ROBO2: variants seen among roughly 807,000 people sequenced by gnomAD.
ROBO2 encodes the protein roundabout homolog 2.
Under a neutral mutation model 160.8 loss-of-function variants are expected in ROBO2, and 53 were observed. The ratio of observed to expected loss-of-function variants is 0.33; its 90% confidence interval spans 0.26 to 0.41. The LOEUF (loss-of-function observed/expected upper bound fraction) is 0.41. ROBO2 is among the 10% of genes least tolerant of loss of function. The pLI, the probability that ROBO2 is intolerant of heterozygous loss-of-function variation, is 1.00. For synonymous variants in ROBO2, 664 were observed against 611.7 expected, an observed-to-expected ratio of 1.09 and a Z score of -1.26; for missense variants, 1,577 against 1,722.4, an observed-to-expected ratio of 0.92 and a Z score of 1.49.
chr3:77,501,188 C>G (rs1277369754), intron 5 of ROBO2, among the ~76,000 whole-genome samples: 1 of 152,116 alleles, frequency 6.6e-6, no homozygotes, highest in Non-Finnish European at 1.5e-5. Context: ...ATAGGACAAG[C>G]CAGAGGCTTA....
chr3:76,775,236 G>A (rs997702208), intron 2 of ROBO2, among the ~76,000 whole-genome samples: 5 of 150,518 alleles, frequency 3.3e-5, no homozygotes, highest in Non-Finnish European at 6.0e-5. Flanking sequence ...TGTTTTTACT[G>A]TTTTGACAGG....
At chr3:76,355,395 A>G (rs7609927) in intron 2 of ROBO2, among the ~76,000 whole-genome samples, 124,654 of 151,706 alleles carry the variant, frequency 0.82, 52,234 homozygotes, top group East Asian at 0.96. Context: ...ATGCTGTGAA[A>G]AAGGTAACAA....
intron 2 of ROBO2, among the ~76,000 whole-genome samples, chr3:76,363,068 T>C (rs1297689202): frequency 1.3e-5 from 2 of 152,028 alleles, no homozygotes; most frequent in Non-Finnish European, 2.9e-5. Context: ...GGTAAATGTG[T>C]TTGGAATTTG....
chr3:76,426,086 G>A (rs764788564), intron 2 of ROBO2, among the ~76,000 whole-genome samples: 6 of 152,140 alleles, frequency 3.9e-5, no homozygotes, highest in Non-Finnish European at 8.8e-5. Flanking sequence ...TGTTGAGACC[G>A]TTATAACACA....
intron 2 of ROBO2, among the ~76,000 whole-genome samples, chr3:76,610,309 C>T (rs948415166): frequency 1.3e-5 from 2 of 152,156 alleles, no homozygotes; most frequent in African/African-American, 2.4e-5. Context: ...TCGGGGCCCC[C>T]TGGGTTCGCT....
chr3:77,427,964 G>A (rs900164754), intron 2 of ROBO2, among the ~76,000 whole-genome samples: 1 of 152,244 alleles, frequency 6.6e-6, no homozygotes, highest in East Asian at 1.9e-4. Flanking sequence ...TCTTTTCACA[G>A]AGTTGAGCTG....
chr3:76,483,232 T>C (rs2079302364), intron 2 of ROBO2, among the ~76,000 whole-genome samples: 2 of 152,170 alleles, frequency 1.3e-5, no homozygotes, highest in Non-Finnish European at 2.9e-5. Context: ...ATTTTATTGT[T>C]GTATAGAATA....
rs575982481 is a variant in ROBO2 at position 76,480,102 on chromosome 3, G to A, written c.109+542500G>A. On this transcript the variant is annotated intron_variant, in intron 2 of 26. Transcript: ENST00000487694. The stretch of plus-strand genomic sequence containing the variant: ...GGGAAAGTGAAGGAGGAGGCAATGA[G>A]GTATCAGCACCATAAGTTATTTATT... Among the ~76,000 whole-genome samples, 3 of 152,166 alleles carry A rather than the reference G, an allele frequency of 2.0e-5. No homozygotes were observed. The East Asian group carries it at 5.8e-4, about 29-fold the overall frequency.
intron 2 of ROBO2, among the ~76,000 whole-genome samples, chr3:77,107,910 A>G (rs976249776): frequency 6.6e-6 from 1 of 152,176 alleles, no homozygotes; most frequent in Non-Finnish European, 1.5e-5. Context: ...GATATAAACC[A>G]TTTTATATAA....
intron 2 of ROBO2, among the ~76,000 whole-genome samples, chr3:76,499,525 C>T (rs1286073594): frequency 2.0e-5 from 3 of 152,148 alleles, no homozygotes; most frequent in Non-Finnish European, 2.9e-5. Flanking sequence ...CTAAATTATT[C>T]CTTCTGGACA....
intron 2 of ROBO2, among the ~76,000 whole-genome samples, chr3:77,001,812 A>T (rs78685387): frequency 0.18 from 26,879 of 151,932 alleles, 2,399 homozygotes; most frequent in Non-Finnish European, 0.19. Context: ...GCTCCAAAAA[A>T]CTTTCTGCTT....
chr3:76,219,784 C>G (rs1474776989), intron 2 of ROBO2, among the ~76,000 whole-genome samples: 2 of 152,166 alleles, frequency 1.3e-5, no homozygotes, highest in African/African-American at 4.8e-5. Flanking sequence ...CCTCAGGGAT[C>G]TAGAACTAGA....
intron 6 of ROBO2, among the ~76,000 whole-genome samples, chr3:77,534,452 T>A (rs2091959183): frequency 6.6e-6 from 1 of 152,016 alleles, no homozygotes; most frequent in South Asian, 2.1e-4. Flanking sequence ...CAGAAAAAAA[T>A]CACATTAACT....
At chr3:76,113,259 G>A (rs2070318277) in intron 2 of ROBO2, among the ~76,000 whole-genome samples, 1 of 152,040 alleles carries the variant, frequency 6.6e-6, no homozygotes, top group Non-Finnish European at 1.5e-5. Flanking sequence ...GAGGCCCAAA[G>A]CAGCTGAATT....
chr3:76,938,365 C>T (rs1052957712), intron 2 of ROBO2, among the ~76,000 whole-genome samples: 13 of 147,922 alleles, frequency 8.8e-5, no homozygotes, highest in African/African-American at 3.0e-4. Context: ...ACCTACCCCC[C>T]CCAAAAAAGG....
At chr3:77,373,537 A>G (rs1230638173) in intron 2 of ROBO2, among the ~76,000 whole-genome samples, 1 of 152,150 alleles carries the variant, frequency 6.6e-6, no homozygotes, top group Non-Finnish European at 1.5e-5. Context: ...CCTAGAGTAT[A>G]AAGAAATCAA....
chr3:76,051,567 C>A (rs2067654138), intron 2 of ROBO2, among the ~76,000 whole-genome samples: 1 of 152,048 alleles, frequency 6.6e-6, no homozygotes, highest in Non-Finnish European at 1.5e-5. Flanking sequence ...ATTAATATCA[C>A]AGAAAGCATG....
intron 2 of ROBO2, among the ~76,000 whole-genome samples, chr3:76,000,754 T>C (rs2065863751): frequency 1.3e-5 from 2 of 152,100 alleles, no homozygotes; most frequent in African/African-American, 4.8e-5. Context: ...CCTCCCAAAG[T>C]TAATTTTTTT....
chr3:76,733,096 G>T (rs1032631215), intron 2 of ROBO2, among the ~76,000 whole-genome samples: 2 of 152,082 alleles, frequency 1.3e-5, no homozygotes, highest in African/African-American at 4.8e-5. Context: ...TCTATGAGAA[G>T]AAGAGAGATA....
Sources: gnomAD v4.1 joint callset for allele counts (sites outside exome capture counted in the v4.1 genomes callset) on GRCh38, gnomAD v4.1.1 for gene constraint, MANE v1.5 for transcripts, NCBI Gene and HGNC (gene_info 2026-07-23, HGNC 2026-07-21) for gene names.